Variants in SHKBP1 observed in about 807,000 individuals in gnomAD.
SHKBP1 encodes SH3KBP1 binding protein 1.
Under a neutral mutation model 83.9 loss-of-function variants are expected in SHKBP1, and 71 were observed. The ratio of observed to expected loss-of-function variants is 0.85; its 90% CI spans 0.70 to 1.03. The LOEUF (loss-of-function observed/expected upper bound fraction) is 1.03. Ranked by LOEUF, SHKBP1 falls within the 50% of genes least tolerant of loss-of-function variation. SHKBP1 has a pLI of 0.00. For missense variants in SHKBP1, 824 were observed against 982.4 expected (o/e 0.84, Z 2.16); for synonymous variants, 371 against 398.0 (o/e 0.93, Z 0.81).
Position 40,583,423 on chromosome 19 carries a change from G to A in SHKBP1, c.986G>A (p.Ser329Asn). The change falls in exon 11 of 18, where the codon AGT becomes AAT. Residue 329 changes from serine (S) to asparagine (N), a missense_variant. By Grantham distance (46) the Ser-to-Asn change is conservative. Around this residue, in one of 3 missense-constraint regions of SHKBP1, gnomAD observed 182 missense variants for 273.1 expected, o/e 0.67. Transcript: ENST00000291842. ...WQVQEVQPIT[S>N]YDAAGSFLLL... ...GTCCAGGAGGTGCAGCCCATCACCA[G>A]TTATGACGCGGCAGGCTCCTTCCTC... 1.3e-6 allele frequency: 2 copies of A among 1,597,706 alleles called. No individual in the cohort carries two copies. The highest frequency in any genetic ancestry group is 8.5e-7 in the Non-Finnish European group (1 of 1,172,108).
At chr19:40,580,188 A>C (rs2081255867) in intron 6 of SHKBP1, 136 bp from the exon 7 acceptor site, 1 of 994,318 alleles carries the variant, frequency 1.0e-6, no homozygotes, top group Non-Finnish European at 1.5e-6. Flanking sequence ...ATGCTGTGTC[A>C]CTGCACCACT....
rs781578686 is a variant in SHKBP1 at position 40,578,454 on chromosome 19, T to C, written c.320-8T>C. 1.2e-6 allele frequency: 2 copies of C among 1,614,148 alleles called. No individual in the cohort carries two copies. The highest frequency in any genetic ancestry group is 1.7e-5 in the Admixed American group (1 of 60,024). The stretch of plus-strand genomic sequence containing the variant: ...CTAAGTCCCAGCCTTTAAGTCCTCC[T>C]GTTGCAGTTCGTCGCCTGCAGCTTC... On this transcript the variant is annotated splice_region_variant and splice_polypyrimidine_tract_variant and intron_variant, in intron 5 of 17. Coordinates refer to ENST00000291842, the MANE Select transcript of SHKBP1 (RefSeq NM_138392.4).
chr19:40,582,419 C>T lies in SHKBP1; in HGVS notation c.913C>T (p.His305Tyr), dbSNP rs755246799. ...FVGNQLIATS[H>Y]TGRIGVWNAV... ...CGGGAACCAGCTCATTGCTACAAGC[C>T]ACACAGGGCGCATCGGGGTGTGGAA... The change falls in exon 10 of 18, where the codon CAC becomes TAC. Residue 305 changes from histidine to tyrosine, a missense_variant. Physicochemically the swap from His to Tyr is moderately conservative, Grantham distance 83. Coordinates refer to ENST00000291842, the MANE Select transcript of SHKBP1 (RefSeq NM_138392.4). 13 of 1,614,038 alleles carry T rather than the reference C, an allele frequency of 8.1e-6. No homozygotes were observed. The highest frequency in any genetic ancestry group is 1.6e-4 in the Middle Eastern group (1 of 6,084).
chr19:40,585,834 C>T (rs2081307703), intron 12 of SHKBP1: 1 of 152,188 alleles, frequency 6.6e-6, no homozygotes, highest in Non-Finnish European at 1.5e-5. Context: ...GCTGCTGCAC[C>T]CGGCCTCTTT....
In SHKBP1 at chr19:40,580,298, T is replaced by A. The variant is rs757911240; in HGVS notation, c.401-26T>A. 1.5e-5 allele frequency: 24 copies of A among 1,597,560 alleles called. 1 individual carries two copies. In the Middle Eastern group the frequency reaches 5.0e-4, roughly 33 times the overall value. On this transcript the variant is annotated intron_variant, in intron 6 of 17. Coordinates refer to ENST00000291842, the MANE Select transcript of SHKBP1 (RefSeq NM_138392.4). ...TGACAGCCACGATTACAATGACTGTTACTCTACCTCTTATTCTCACTGTAG... is the reference window on the plus strand; with the variant it reads ...TGACAGCCACGATTACAATGACTGTAACTCTACCTCTTATTCTCACTGTAG...
intron 13 of SHKBP1, among the ~76,000 whole-genome samples, chr19:40,588,190 A>G (rs1425847563): frequency 1.3e-5 from 2 of 152,054 alleles, no homozygotes; most frequent in African/African-American, 2.4e-5. Flanking sequence ...GAGGGGGAGA[A>G]TGGGAGGAGA....
chr19:40,586,987 A>C, intron 13 of SHKBP1, 43 bp downstream of exon 13: 9 of 1,526,840 alleles, frequency 5.9e-6, no homozygotes, highest in Non-Finnish European at 8.0e-6. Context: ...GAGACAGCTC[A>C]GATGGGAGTG....
Position 40,576,993 on chromosome 19 carries a change from T to G in SHKBP1, c.86+8T>G. 3 of 1,513,472 alleles carry G rather than the reference T, an allele frequency of 2.0e-6. No homozygotes were observed. In the Admixed American group the frequency reaches 7.3e-5, roughly 37 times the overall value. 93.8% of individuals were successfully genotyped at this position (1,513,472 alleles called of 1,614,324 possible). A position where few individuals can be genotyped will look rare whatever the true frequency, so the allele number is the denominator to read the frequency against. On this transcript the variant is annotated splice_region_variant and intron_variant, in intron 1 of 17. Coordinates refer to ENST00000291842, the MANE Select transcript of SHKBP1 (RefSeq NM_138392.4). ...GAATGTGGGAGGCAAGAGGTGAGTG[T>G]GGGAGACTCCTGAGGTCCCATCCTC...
chr19:40,587,986 G>C (rs1029629640), intron 13 of SHKBP1, among the ~76,000 whole-genome samples: 1 of 152,194 alleles, frequency 6.6e-6, no homozygotes, highest in South Asian at 2.1e-4. Context: ...TGTGGCTAGA[G>C]AGTGTCAAGT....
At chr19:40,577,367 G>A (rs1259578344) in intron 2 of SHKBP1, 29 bp from the exon 3 acceptor site, 4 of 1,614,058 alleles carry the variant, frequency 2.5e-6, no homozygotes, top group Non-Finnish European at 1.7e-6. Flanking sequence ...CCCGGCCCGT[G>A]ACGCCTGCTC....
chr19:40,589,809 A>G (rs2145997801), intron 15 of SHKBP1, among the ~76,000 whole-genome samples: 1 of 152,098 alleles, frequency 6.6e-6, no homozygotes, highest in South Asian at 2.1e-4. Flanking sequence ...CCTGGGCTGG[A>G]GCACAGAACA....
intron 14 of SHKBP1, 84 bp downstream of exon 14, chr19:40,588,863 A>C: frequency 6.5e-7 from 1 of 1,533,584 alleles, no homozygotes; most frequent in Non-Finnish European, 8.8e-7. Flanking sequence ...ACTTGCGGCC[A>C]CCTGACCCAG....
chr19:40,585,113 TAA>T, intron 12 of SHKBP1, among the ~76,000 whole-genome samples: 1 of 150,862 alleles, frequency 6.6e-6, no homozygotes, highest in South Asian at 2.1e-4. Flanking sequence ...TATTCTTTTT[TAA>T]AAAAAAATAG....
chr19:40,577,138 G>A (rs1599834842), intron 1 of SHKBP1, 93 bp from the exon 2 acceptor site: 3 of 1,508,314 alleles, frequency 2.0e-6, no homozygotes, highest in East Asian at 2.3e-5. Context: ...CGGGGGAGGG[G>A]GAAGGGGAGG....
chr19:40,584,511 A>G (rs1169636846), intron 12 of SHKBP1, among the ~76,000 whole-genome samples: 1 of 152,256 alleles, frequency 6.6e-6, no homozygotes, highest in African/African-American at 2.4e-5. Flanking sequence ...TTGTACAACT[A>G]TCACCATGAA....
At chr19:40,588,576 T>A in intron 13 of SHKBP1, 48 bp from the exon 14 acceptor site, 1 of 1,609,926 alleles carries the variant, frequency 6.2e-7, no homozygotes, top group Non-Finnish European at 8.5e-7. Flanking sequence ...GCAGGCAGCA[T>A]TGATGCCTGC....
At chr19:40,581,539 A>C (rs1164179825) in intron 9 of SHKBP1, among the ~76,000 whole-genome samples, 3 of 151,364 alleles carry the variant, frequency 2.0e-5, no homozygotes, top group South Asian at 2.1e-4. Flanking sequence ...AAAAAAAAAA[A>C]CAAAAAAAGA....
chr19:40,588,498 C>A, intron 13 of SHKBP1, 126 bp from the exon 14 acceptor site: 1 of 1,198,252 alleles, frequency 8.3e-7, no homozygotes, highest in Non-Finnish European at 1.2e-6. Context: ...GGAAAGGATT[C>A]TCTGAAAGGG....
chr19:40,578,344 G>A (rs2081238810), intron 5 of SHKBP1, 118 bp from the exon 6 acceptor site: 12 of 1,456,854 alleles, frequency 8.2e-6, no homozygotes, highest in South Asian at 1.2e-5. Context: ...GGCCCTGGCC[G>A]GGTCTGTATT....
Sources: allele counts gnomAD v4.1 joint callset (sites outside exome capture counted in the v4.1 genomes callset), GRCh38; gene constraint gnomAD v4.1.1; regional missense constraint gnomAD v4.1.1; transcripts MANE v1.5; gene names NCBI Gene and HGNC (gene_info 2026-07-23, HGNC 2026-07-21).